The following SLC6A20 variants were observed in gnomAD, a reference collection of about 807,000 sequenced individuals.
SLC6A20 encodes solute carrier family 6 member 20.
A neutral mutation model predicts 64.3 loss-of-function variants in SLC6A20; 73 were observed. The observed-to-expected ratio is 1.14, with a 90% confidence interval of 0.94 to 1.38. The LOEUF (loss-of-function observed/expected upper bound fraction) is 1.38. SLC6A20 is among the 40% of genes most tolerant of loss of function. The pLI, the probability that SLC6A20 is intolerant of heterozygous loss-of-function variation, is 0.00. For missense variants in SLC6A20, 725 were observed against 772.8 expected, an observed-to-expected ratio of 0.94 and a Z score of 0.73; for synonymous variants, 347 against 329.6, an observed-to-expected ratio of 1.05 and a Z score of -0.57.
At position 45,758,722 on chromosome 3, in the gene SLC6A20, G is replaced by T. The variant is rs1559559966; in HGVS notation, c.*256C>A. ...GGGCTTTCCTGGAATGAAGGATGCA[G>T]TTATCTTTGAGACCGGCTTTCATAG... On this transcript the variant is annotated 3_prime_UTR_variant, in exon 11 of 11. Coordinates refer to ENST00000358525, the MANE Select transcript of SLC6A20 (RefSeq NM_020208.4). The T allele has an allele frequency of 1.4e-5, 18 of 1,270,842 alleles. No homozygotes were observed. Among genetic ancestry groups the T allele is most frequent in the Non-Finnish European group, 1.1e-5 (11 of 1,008,658 alleles). The allele number at this position is 1,270,842 out of a possible 1,614,324, so 78.7% of individuals were successfully genotyped here. A position where few individuals can be genotyped will look rare whatever the true frequency, so the allele number is the denominator to read the frequency against.
At chr3:45,786,073 G>A (rs147846500) in intron 1 of SLC6A20, among the ~76,000 whole-genome samples, 5 of 152,284 alleles carry the variant, frequency 3.3e-5, no homozygotes, top group African/African-American at 7.2e-5. Context: ...AACAGCTCAG[G>A]CACCCACAGA....
intron 7 of SLC6A20, 108 bp downstream of exon 7, chr3:45,770,101 C>G: frequency 7.0e-7 from 1 of 1,431,794 alleles, no homozygotes; most frequent in Non-Finnish European, 9.6e-7. Context: ...AATTCAGGAT[C>G]CTTCTTTATT....
chr3:45,761,975 C>T (rs1394606633), intron 9 of SLC6A20, among the ~76,000 whole-genome samples: 2 of 152,160 alleles, frequency 1.3e-5, no homozygotes, highest in African/African-American at 2.4e-5. Context: ...TCTCCCTCCC[C>T]ACCCTGAACC....
At chr3:45,761,695 A>AGGGTGGGAGTC (rs1699685145) in intron 9 of SLC6A20, among the ~76,000 whole-genome samples, 1 of 152,182 alleles carries the variant, frequency 6.6e-6, no homozygotes, top group African/African-American at 2.4e-5. Flanking sequence ...TTAGTAGCTA[A>AGGGTGGGAGTC]GGGTGGGAGT....
At chr3:45,788,306 A>C (rs1417924579) in intron 1 of SLC6A20, among the ~76,000 whole-genome samples, 2 of 152,086 alleles carry the variant, frequency 1.3e-5, no homozygotes, top group Non-Finnish European at 2.9e-5. Context: ...CCCACAGCTC[A>C]GAAGAAAAGG....
At chr3:45,780,123 G>A (rs1383748514) in intron 2 of SLC6A20, 23 bp from the exon 3 acceptor site, 18 of 1,563,512 alleles carry the variant, frequency 1.2e-5, no homozygotes, top group South Asian at 2.4e-5. Flanking sequence ...AGAGGGCCGC[G>A]CTGAGGACTG....
At chr3:45,769,027 T>C (rs140012787) in intron 7 of SLC6A20, among the ~76,000 whole-genome samples, 1 of 152,250 alleles carries the variant, frequency 6.6e-6, no homozygotes, top group East Asian at 1.9e-4. Flanking sequence ...TATACATAAA[T>C]ATGAGAATTA....
At chr3:45,763,400 G>A (rs1699720040) in intron 8 of SLC6A20, among the ~76,000 whole-genome samples, 1 of 152,188 alleles carries the variant, frequency 6.6e-6, no homozygotes, top group African/African-American at 2.4e-5. Context: ...CCCAGGCTGT[G>A]GGTCTACAAT....
intron 1 of SLC6A20, among the ~76,000 whole-genome samples, chr3:45,794,768 C>G (rs543896684): frequency 1.3e-5 from 2 of 152,266 alleles, no homozygotes; most frequent in South Asian, 4.1e-4. Context: ...GGTAGGTCTA[C>G]TGAGCACAGA....
intron 7 of SLC6A20, among the ~76,000 whole-genome samples, chr3:45,768,498 C>T (rs941264781): frequency 2.6e-5 from 4 of 152,324 alleles, no homozygotes; most frequent in Non-Finnish European, 4.4e-5. Context: ...GCCAAAGGAC[C>T]TCATGGGTCA....
intron 1 of SLC6A20, among the ~76,000 whole-genome samples, chr3:45,783,663 C>T (rs140197741): frequency 1.3e-5 from 2 of 152,352 alleles, no homozygotes; most frequent in Non-Finnish European, 2.9e-5. Context: ...AGTGGAATGG[C>T]TGGGGCAAAG....
Position 45,757,321 on chromosome 3 carries a change from G to A in SLC6A20, c.*1657C>T, listed in dbSNP as rs896696972. ...CCGACCCTTTACAGGTGTCGGGCTGGGGGACAGTCAGGTCTTTCCCTTCCC... is the reference window on the plus strand; with the variant it reads ...CCGACCCTTTACAGGTGTCGGGCTGAGGGACAGTCAGGTCTTTCCCTTCCC... On this transcript the variant is annotated 3_prime_UTR_variant, in exon 11 of 11. Coordinates refer to ENST00000358525, the MANE Select transcript of SLC6A20 (RefSeq NM_020208.4). The A allele has an allele frequency of 6.6e-6, 1 of 151,918 alleles. No homozygotes were observed. Among genetic ancestry groups the A allele is most frequent in the Non-Finnish European group, 1.5e-5 (1 of 68,044 alleles). 9.4% of individuals were successfully genotyped at this position (151,918 alleles called of 1,614,324 possible). A position where few individuals can be genotyped will look rare whatever the true frequency, so the allele number is the denominator to read the frequency against.
At position 45,771,837 on chromosome 3, in the gene SLC6A20, A is replaced by G. The variant is rs568192105; in HGVS notation, c.694-379T>C. On this transcript the variant is annotated intron_variant, in intron 5 of 10. Coordinates refer to ENST00000358525, the MANE Select transcript of SLC6A20 (RefSeq NM_020208.4). Reference sequence around the variant, plus strand: ...CTGCAGGGTAAAATAATTAAAACACAAATGGGGCCCTGATTCATAGGCAGT... The same window carrying G: ...CTGCAGGGTAAAATAATTAAAACACGAATGGGGCCCTGATTCATAGGCAGT... The G allele has an allele frequency of 1.8e-4, 44 of 250,856 alleles. No homozygotes were observed. In the East Asian group the frequency reaches 2.4e-3, roughly 14 times the overall value. 15.5% of individuals were successfully genotyped at this position (250,856 alleles called of 1,614,324 possible).
At chr3:45,792,828 G>A (rs533089138) in intron 1 of SLC6A20, among the ~76,000 whole-genome samples, 28 of 152,330 alleles carry the variant, frequency 1.8e-4, no homozygotes, top group African/African-American at 6.7e-4. Context: ...ATTGGGTCTT[G>A]CTGTTCCACC....
chr3:45,772,260 T>G (rs1699884996), intron 5 of SLC6A20: 3 of 448,688 alleles, frequency 6.7e-6, no homozygotes, highest in Admixed American at 8.3e-5. Flanking sequence ...ACAGTGAGGA[T>G]GAAGAGGAGA....
rs1181657644 is a variant in SLC6A20, at chr3:45,771,345, G to T, written c.807C>A (p.Ser269=). ...TGATGGCGTGCTTCTGGCAGTTGTT[G>T]GATGGCTCATTGTAGCTGGCGAAGG... ...LIAFASYNEP[S]NNCQKHAIIV... Residue 269 remains serine (S), a synonymous_variant, in exon 6 of 11, where the codon TCC becomes TCA. Transcript: ENST00000358525. 1 of 1,614,270 alleles carries T rather than the reference G, an allele frequency of 6.2e-7. No individual in the cohort carries two copies. The highest frequency in any genetic ancestry group is 1.1e-5 in the South Asian group (1 of 91,084).
At chr3:45,779,412 G>T (rs1700030797) in intron 3 of SLC6A20, among the ~76,000 whole-genome samples, 1 of 152,212 alleles carries the variant, frequency 6.6e-6, no homozygotes, top group Admixed American at 6.5e-5. Context: ...TTTCTACAGA[G>T]TGTCAGCTGT....
intron 1 of SLC6A20, among the ~76,000 whole-genome samples, chr3:45,793,924 C>T (rs58599052): frequency 1.3e-5 from 2 of 152,118 alleles, no homozygotes; most frequent in African/African-American, 2.4e-5. Flanking sequence ...CATCCTCTAG[C>T]GTCATTTATT....
rs1318275698 is a variant in SLC6A20, at chr3:45,762,948, C to A, written c.1428G>T (p.Glu476Asp). 1 of 1,614,190 alleles carries A rather than the reference C, an allele frequency of 6.2e-7. No individual in the cohort carries two copies. The highest frequency in any genetic ancestry group is 8.5e-7 in the Non-Finnish European group (1 of 1,180,048). Residue 476 changes from glutamate to aspartate, a missense_variant, in exon 9 of 11, where the codon GAG becomes GAT. Coordinates refer to ENST00000358525, the MANE Select transcript of SLC6A20 (RefSeq NM_020208.4). ...CGTACACGTAGCACACGGCAATCGT[C>A]TCCACCAGCACGATGAGCAGCAGGG... is the stretch of plus-strand genomic sequence containing the variant. Reference protein sequence around the residue: ...TLSLLLIVLVETIAVCYVYGL... With the variant: ...TLSLLLIVLVDTIAVCYVYGL...
Sources: allele counts gnomAD v4.1 joint callset (sites outside exome capture counted in the v4.1 genomes callset), GRCh38; gene constraint gnomAD v4.1.1; transcripts MANE v1.5; gene names NCBI Gene and HGNC (gene_info 2026-07-23, HGNC 2026-07-21).